Variants in HS3ST3B1 observed in about 807,000 individuals in gnomAD.
HS3ST3B1 encodes heparan sulfate-glucosamine 3-sulfotransferase 3B1.
In HS3ST3B1, 13 loss-of-function variants were observed where a neutral mutation model predicts 21.3. The ratio of observed to expected loss-of-function variants is 0.61; its 90% CI spans 0.40 to 0.97. The LOEUF (loss-of-function observed/expected upper bound fraction) is 0.97. Among genes scored for constraint, HS3ST3B1 ranks in the 50% least tolerant of loss-of-function variants. The pLI is 0.00. For synonymous variants in HS3ST3B1, 234 were observed against 254.8 expected (o/e 0.92, Z 0.78); for missense variants, 459 against 554.8 (o/e 0.83, Z 1.73).
intron 1 of HS3ST3B1, among the ~76,000 whole-genome samples, chr17:14,322,675 C>T (rs1909692283): frequency 6.6e-6 from 1 of 152,068 alleles, no homozygotes. Flanking sequence ...TGCTAACCTC[C>T]CAGATGGCCG....
rs530664153 is a variant in HS3ST3B1 at position 14,313,648 on chromosome 17, G to A, written c.554+11576G>A. On this transcript the variant is annotated intron_variant, in intron 1 of 1. Coordinates refer to ENST00000360954, the MANE Select transcript of HS3ST3B1 (RefSeq NM_006041.3). ...TGCAGTGGTGTGATCTCAGCTCACT[G>A]CAACCTCCGCCTTCCAGGTTCAAGT... Among the ~76,000 whole-genome samples, 246 of 152,180 alleles carry A rather than the reference G, an allele frequency of 1.6e-3. 1 individual carries two copies. Among genetic ancestry groups the A allele is most frequent in the Non-Finnish European group, 4.6e-4 (31 of 68,006 alleles).
At chr17:14,338,053 G>C (rs117265696) in intron 1 of HS3ST3B1, among the ~76,000 whole-genome samples, 2 of 151,750 alleles carry the variant, frequency 1.3e-5, no homozygotes, top group African/African-American at 4.9e-5. Flanking sequence ...GAGGGGCCAG[G>C]CATATAACGC....
rs1463071219 is a variant in HS3ST3B1, at chr17:14,301,594, C to A, written c.76C>A (p.Pro26Thr). 1 of 1,602,756 alleles carries A rather than the reference C, an allele frequency of 6.2e-7. No homozygotes were observed. The highest frequency in any genetic ancestry group is 8.5e-7 in the Non-Finnish European group (1 of 1,178,446). The change falls in exon 1 of 2, where the codon CCG becomes ACG. Residue 26 changes from proline (P) to threonine (T), a missense_variant. Physicochemically the swap from Pro to Thr is conservative, Grantham distance 38 (BLOSUM62 -1). Around this residue, in one of 3 missense-constraint regions of HS3ST3B1, gnomAD observed 317 missense variants for 278.6 expected, o/e 1.14. Transcript: ENST00000360954. The stretch of plus-strand genomic sequence containing the variant: ...GCTCCTACCGCAGCCGCCGCCGCCC[C>A]CGCCGCCGGTGAGGAGGAAGCTCGC... ...GRLLPQPPPP[P>T]PPVRRKLALL...
In HS3ST3B1 at chr17:14,345,787, T is replaced by A; in HGVS notation, c.*141T>A. 9.3e-7 allele frequency: 1 copy of A among 1,078,042 alleles called. No individual in the cohort carries two copies. The highest frequency in any genetic ancestry group is 1.3e-6 in the Non-Finnish European group (1 of 774,056). 66.8% of individuals were successfully genotyped at this position (1,078,042 alleles called of 1,614,324 possible). A position where few individuals can be genotyped will look rare whatever the true frequency, so the allele number is the denominator to read the frequency against. The stretch of plus-strand genomic sequence containing the variant: ...AATTCACTAAGCTGCCTAGCCACAC[T>A]CTTTAGAGAGTTAGCTTCATAATCT... On this transcript the variant is annotated 3_prime_UTR_variant, in exon 2 of 2. Coordinates refer to ENST00000360954, the MANE Select transcript of HS3ST3B1 (RefSeq NM_006041.3).
intron 1 of HS3ST3B1, among the ~76,000 whole-genome samples, chr17:14,339,686 A>G (rs1910310841): frequency 6.6e-6 from 1 of 152,200 alleles, no homozygotes. Context: ...CCAGGGCGCT[A>G]TATAATTATG....
At chr17:14,330,388 C>T (rs7216174) in intron 1 of HS3ST3B1, among the ~76,000 whole-genome samples, 34,833 of 151,976 alleles carry the variant, frequency 0.23, 5,927 homozygotes, top group African/African-American at 0.48. Context: ...TTTTTACACG[C>T]GGAGAACTGA....
chr17:14,311,607 A>G (rs982853221), intron 1 of HS3ST3B1, among the ~76,000 whole-genome samples: 5 of 152,190 alleles, frequency 3.3e-5, no homozygotes, highest in Non-Finnish European at 5.9e-5. Flanking sequence ...TTAGGGTTGG[A>G]CAAACGGGTA....
intron 1 of HS3ST3B1, 147 bp downstream of exon 1, chr17:14,302,219 A>ATTTTATGACTCGTTTTAAATTTTT: frequency 9.8e-7 from 1 of 1,016,500 alleles, no homozygotes; most frequent in Non-Finnish European, 1.4e-6. Flanking sequence ...TGCGCAGCGC[A>ATTTTATGACTCGTTTTAAATTTTT]TCCTGTCCGG....
chr17:14,339,017 A>G (rs770383206), intron 1 of HS3ST3B1, among the ~76,000 whole-genome samples: 1 of 152,196 alleles, frequency 6.6e-6, no homozygotes, highest in Non-Finnish European at 1.5e-5. Context: ...GCTTGTCCCA[A>G]GGAATACTCT....
chr17:14,301,183 T>G lies in HS3ST3B1; in HGVS notation c.-336T>G. On this transcript the variant is annotated 5_prime_UTR_variant, in exon 1 of 2. Coordinates refer to ENST00000360954, the MANE Select transcript of HS3ST3B1 (RefSeq NM_006041.3). ...CCCCGGCGTGCGGCGGTGCGCACAG[T>G]CTAGAGTGGCCAGGGCGCGAGAGTG... is the stretch of plus-strand genomic sequence containing the variant. 1 of 351,564 alleles carries G rather than the reference T, an allele frequency of 2.8e-6. No homozygotes were observed. The highest frequency in any genetic ancestry group is 5.1e-6 in the Non-Finnish European group (1 of 194,386). 21.8% of individuals were successfully genotyped at this position (351,564 alleles called of 1,614,324 possible).
chr17:14,301,676 G>T lies in HS3ST3B1; in HGVS notation c.158G>T (p.Gly53Val). 1 of 1,601,620 alleles carries T rather than the reference G, an allele frequency of 6.2e-7. No homozygotes were observed. Among genetic ancestry groups the T allele is most frequent in the Non-Finnish European group, 8.5e-7 (1 of 1,176,080 alleles). Reference protein sequence around the residue: ...WLYMFLYSCAGSCAAAPGLLL... With the variant: ...WLYMFLYSCAVSCAAAPGLLL... ...TATATGTTCCTGTACTCGTGCGCCG[G>T]CTCCTGCGCCGCCGCGCCGGGGCTG... The change falls in exon 1 of 2, where the codon GGC (glycine) becomes GTC (valine). Residue 53 changes from glycine to valine, a missense_variant. Gly to Val is a moderately radical substitution (Grantham distance 109). Around this residue, in one of 3 missense-constraint regions of HS3ST3B1, gnomAD observed 317 missense variants for 278.6 expected, o/e 1.14. Coordinates refer to ENST00000360954, the MANE Select transcript of HS3ST3B1 (RefSeq NM_006041.3).
intron 1 of HS3ST3B1, among the ~76,000 whole-genome samples, chr17:14,330,584 T>TGTGTGTGTGTGTGTG (rs1555549603): frequency 1.3e-5 from 2 of 151,114 alleles, no homozygotes; most frequent in South Asian, 2.1e-4. Flanking sequence ...TGTGTGTGTG[T>TGTGTGTGTGTGTGTG]TGCTTGCGGG....
chr17:14,301,877 A>C lies in HS3ST3B1; in HGVS notation c.359A>C (p.Asp120Ala), dbSNP rs1415968245. The C allele has an allele frequency of 1.2e-6, 2 of 1,604,672 alleles. No individual in the cohort carries two copies. Among genetic ancestry groups the C allele is most frequent in the East Asian group, 2.2e-5 (1 of 44,482 alleles). ...SPEEQSPEVPDSPSPISSFFS... is the reference protein window; with the variant it reads ...SPEEQSPEVPASPSPISSFFS... Reference sequence around the variant, plus strand: ...GAGGAGCAGAGTCCCGAGGTGCCGGACTCCCCAAGCCCCATCTCCAGCTTT... The same window carrying C: ...GAGGAGCAGAGTCCCGAGGTGCCGGCCTCCCCAAGCCCCATCTCCAGCTTT... The change falls in exon 1 of 2, where the codon GAC becomes GCC. Residue 120 changes from aspartate (D) to alanine (A), a missense_variant. Coordinates refer to ENST00000360954, the MANE Select transcript of HS3ST3B1 (RefSeq NM_006041.3).
At chr17:14,305,538 G>A (rs776231401) in intron 1 of HS3ST3B1, 4 of 152,142 alleles carry the variant, frequency 2.6e-5, no homozygotes, top group Non-Finnish European at 5.9e-5. Context: ...CTTAAGTGTT[G>A]GTAGATATTC....
chr17:14,341,083 C>T (rs1462864650), intron 1 of HS3ST3B1, among the ~76,000 whole-genome samples: 1 of 152,196 alleles, frequency 6.6e-6, no homozygotes, highest in African/African-American at 2.4e-5. Flanking sequence ...CGGTCGAGCA[C>T]AGTAAATCTG....
At chr17:14,309,345 C>T (rs1330114887) in intron 1 of HS3ST3B1, among the ~76,000 whole-genome samples, 4 of 152,230 alleles carry the variant, frequency 2.6e-5, no homozygotes, top group Non-Finnish European at 5.9e-5. Context: ...TCCCCCGCCC[C>T]TAGGCTGGCC....
intron 1 of HS3ST3B1, among the ~76,000 whole-genome samples, chr17:14,323,457 G>A (rs751312483): frequency 2.0e-5 from 3 of 152,292 alleles, no homozygotes; most frequent in Admixed American, 2.0e-4. Context: ...CTTTTTAAAA[G>A]CTGTGAGAAA....
intron 1 of HS3ST3B1, among the ~76,000 whole-genome samples, chr17:14,313,315 C>T (rs1420849723): frequency 1.3e-5 from 2 of 151,734 alleles, no homozygotes; most frequent in Admixed American, 6.6e-5. Context: ...ACTTTATGCG[C>T]TCCACTGAGA....
chr17:14,309,164 G>A (rs1427936680), intron 1 of HS3ST3B1, among the ~76,000 whole-genome samples: 1 of 152,188 alleles, frequency 6.6e-6, no homozygotes, highest in Non-Finnish European at 1.5e-5. Context: ...GGCCGGGGGC[G>A]CTACCACGGG....
Sources: allele counts gnomAD v4.1 joint callset (sites outside exome capture counted in the v4.1 genomes callset), GRCh38; gene constraint gnomAD v4.1.1; regional missense constraint gnomAD v4.1.1; transcripts MANE v1.5; gene names NCBI Gene and HGNC (gene_info 2026-07-23, HGNC 2026-07-21).